The following KCNMA1 variants were observed in gnomAD, a reference collection of about 807,000 sequenced individuals.
KCNMA1 encodes the protein Calcium-activated potassium channel subunit alpha-1.
In KCNMA1, 29 loss-of-function variants were observed where a neutral mutation model predicts 140.0. That is an observed-to-expected ratio of 0.21 (90% CI 0.15 to 0.28). The LOEUF is 0.28. Ranked by LOEUF, KCNMA1 falls within the 10% of genes least tolerant of loss-of-function variation. The pLI is 1.00. For synonymous variants in KCNMA1, 612 were observed against 611.9 expected (o/e 1.00, Z 0.00); for missense variants, 880 against 1,602.2 (o/e 0.55, Z 7.70).
At chr10:77,297,407 C>T (rs150634976) in intron 2 of KCNMA1, among the ~76,000 whole-genome samples, 75 of 152,260 alleles carry the variant, frequency 4.9e-4, no homozygotes, top group African/African-American at 1.7e-3. Flanking sequence ...GGAAATTTTA[C>T]GGCTATTTTC....
intron 2 of KCNMA1, among the ~76,000 whole-genome samples, chr10:77,336,564 A>C (rs2154371285): frequency 1.3e-5 from 2 of 152,342 alleles, no homozygotes; most frequent in East Asian, 3.9e-4. Flanking sequence ...TTTTTAGTGA[A>C]AGTAGAAGCT....
At chr10:77,589,439 A>T (rs1051783784) in intron 1 of KCNMA1, among the ~76,000 whole-genome samples, 2 of 152,000 alleles carry the variant, frequency 1.3e-5, no homozygotes, top group Admixed American at 6.6e-5. Context: ...GCCTCTCCCA[A>T]GCTCCCTGGG....
chr10:77,110,392 T>C (rs202086284), intron 7 of KCNMA1, 49 bp from the exon 8 acceptor site: 73 of 1,507,846 alleles, frequency 4.8e-5, no homozygotes, highest in Non-Finnish European at 5.7e-5. Flanking sequence ...GCTATTGAAG[T>C]GTATACATGC....
At chr10:76,905,499 C>T (rs1436013674) in intron 25 of KCNMA1, among the ~76,000 whole-genome samples, 2 of 152,198 alleles carry the variant, frequency 1.3e-5, no homozygotes, top group Admixed American at 6.5e-5. Context: ...GTGTGGCCAG[C>T]GGCCTTGCCT....
At chr10:77,296,910 G>GC (rs752323602) in intron 2 of KCNMA1, among the ~76,000 whole-genome samples, 1 of 147,924 alleles carries the variant, frequency 6.8e-6, no homozygotes, top group Admixed American at 6.8e-5. Context: ...TGGGTGTGTG[G>GC]GCGGGGGGGC....
At chr10:77,120,412 A>C (rs1202892695) in intron 6 of KCNMA1, among the ~76,000 whole-genome samples, 1 of 152,158 alleles carries the variant, frequency 6.6e-6, no homozygotes, top group Non-Finnish European at 1.5e-5. Context: ...TTCCCCCAAA[A>C]GGCAATTCAC....
intron 2 of KCNMA1, among the ~76,000 whole-genome samples, chr10:77,382,976 G>GTATATA: frequency 2.9e-5 from 2 of 69,336 alleles, no homozygotes; most frequent in African/African-American, 2.0e-4. Flanking sequence ...GTGTGTGTGT[G>GTATATA]TGTGTGTGTG....
chr10:77,548,139 G>GAA (rs34880591), intron 1 of KCNMA1, among the ~76,000 whole-genome samples: 2 of 151,816 alleles, frequency 1.3e-5, no homozygotes, highest in African/African-American at 4.8e-5. Flanking sequence ...GGAAAAGGAT[G>GAA]AAAAAAAATG....
chr10:77,015,821 C>T (rs2091919936), intron 17 of KCNMA1, among the ~76,000 whole-genome samples: 1 of 151,732 alleles, frequency 6.6e-6, no homozygotes, highest in Non-Finnish European at 1.5e-5. Context: ...CTCCCAAATA[C>T]AGTCTGAATG....
chr10:77,252,556 T>TGTGTGTGTGTGTGTGC (rs1341882275), intron 2 of KCNMA1, among the ~76,000 whole-genome samples: 12 of 149,200 alleles, frequency 8.0e-5, no homozygotes, highest in African/African-American at 2.9e-4. Context: ...TGTGTGTGTG[T>TGTGTGTGTGTGTGTGC]GCGGGCACGT....
intron 18 of KCNMA1, among the ~76,000 whole-genome samples, chr10:77,003,676 T>C (rs1015096257): frequency 6.6e-6 from 1 of 152,260 alleles, no homozygotes; most frequent in Non-Finnish European, 1.5e-5. Flanking sequence ...TCTGGAATGC[T>C]ATGCTTCTCA....
chr10:77,369,621 T>C (rs1481797733), intron 2 of KCNMA1, among the ~76,000 whole-genome samples: 1 of 152,218 alleles, frequency 6.6e-6, no homozygotes, highest in Non-Finnish European at 1.5e-5. Context: ...AAACTTCCTC[T>C]GAGGCCCCAC....
chr10:77,228,735 C>T (rs1481147456), intron 3 of KCNMA1, among the ~76,000 whole-genome samples: 1 of 152,100 alleles, frequency 6.6e-6, no homozygotes, highest in Non-Finnish European at 1.5e-5. Context: ...ACTCTCCCGG[C>T]TACTGCTTTG....
intron 5 of KCNMA1, among the ~76,000 whole-genome samples, chr10:77,167,114 T>C (rs1201907637): frequency 6.6e-6 from 1 of 152,170 alleles, no homozygotes; most frequent in Non-Finnish European, 1.5e-5. Flanking sequence ...CAACCTCTCT[T>C]CATCCTCCCC....
chr10:77,004,252 C>CACACACAG (rs2087594379), intron 18 of KCNMA1, among the ~76,000 whole-genome samples: 1 of 141,980 alleles, frequency 7.0e-6, no homozygotes, highest in African/African-American at 2.6e-5. Context: ...CACACACACA[C>CACACACAG]AAAATCAGCA....
chr10:77,594,401 A>T (rs1165386837), intron 1 of KCNMA1, among the ~76,000 whole-genome samples: 1 of 152,144 alleles, frequency 6.6e-6, no homozygotes, highest in African/African-American at 2.4e-5. Flanking sequence ...TGACCCAGGC[A>T]CACCCAGAGT....
chr10:77,382,876 AAAAAAAAAAAT>A (rs1288926612), intron 2 of KCNMA1, among the ~76,000 whole-genome samples: 1 of 130,542 alleles, frequency 7.7e-6, no homozygotes, highest in African/African-American at 2.9e-5. Context: ...AAAAAAAAAA[AAAAAAAAAAAT>A]ATATATATAT....
At chr10:76,894,344 A>T (rs2041581327) in intron 25 of KCNMA1, among the ~76,000 whole-genome samples, 1 of 152,230 alleles carries the variant, frequency 6.6e-6, no homozygotes, top group Admixed American at 6.5e-5. Flanking sequence ...GGGGTCAAAG[A>T]TCTAAATGTA....
chr10:77,276,690 G>T lies in KCNMA1; in HGVS notation c.541-25434C>A, dbSNP rs530196534. Among the ~76,000 whole-genome samples, 5 of 152,188 alleles carry T rather than the reference G, an allele frequency of 3.3e-5. No homozygotes were observed. In the South Asian group the frequency reaches 1.0e-3, roughly 32 times the overall value. On this transcript the variant is annotated intron_variant, in intron 2 of 27. Coordinates refer to ENST00000286628, the MANE Select transcript of KCNMA1 (RefSeq NM_001161352.2). ...CCTGAACCAGATCCCCAGGGAGTGG[G>T]TTTCTAAAGGCTGGGGACTGGGCCT... is the stretch of plus-strand genomic sequence containing the variant.
Sources: gnomAD v4.1 joint callset for allele counts (sites outside exome capture counted in the v4.1 genomes callset) on GRCh38, gnomAD v4.1.1 for gene constraint, MANE v1.5 for transcripts, NCBI Gene and HGNC (gene_info 2026-07-23, HGNC 2026-07-21) for gene names.